PTK7: variants seen among roughly 807,000 people sequenced by gnomAD.
The protein encoded by PTK7 is protein tyrosine kinase 7 (inactive), also known as inactive tyrosine-protein kinase 7.
A neutral mutation model predicts 116.6 loss-of-function variants in PTK7; 39 were observed. The ratio of observed to expected loss-of-function variants is 0.33; its 90% confidence interval spans 0.26 to 0.44. The LOEUF is 0.44. Ranked by LOEUF, PTK7 falls within the 20% of genes least tolerant of loss-of-function variation. The probability of loss-of-function intolerance (pLI) is 1.00; values close to 1 mark genes in which losing one functional copy is unlikely to be tolerated. For missense variants in PTK7, 1,169 were observed against 1,425.6 expected (o/e 0.82, Z 2.90); for synonymous variants, 546 against 563.6 (o/e 0.97, Z 0.44).
chr6:43,094,441 C>A (rs930507003), intron 1 of PTK7, among the ~76,000 whole-genome samples: 2 of 151,522 alleles, frequency 1.3e-5, no homozygotes, highest in African/African-American at 2.4e-5. Flanking sequence ...AAAGTTGTGT[C>A]CCTTTTGTAT....
chr6:43,116,645 TGTGTGTGCGC>T (rs1355995870), intron 1 of PTK7, among the ~76,000 whole-genome samples: 45 of 76,400 alleles, frequency 5.9e-4, no homozygotes, highest in Non-Finnish European at 8.6e-4. Flanking sequence ...TGTGTGTGTG[TGTGTGTGCGC>T]GCGCACGCAC....
At chr6:43,140,108 T>C (rs1047114814) in intron 10 of PTK7, among the ~76,000 whole-genome samples, 17 of 149,900 alleles carry the variant, frequency 1.1e-4, no homozygotes, top group Non-Finnish European at 1.8e-4. Context: ...AGTGAGACTC[T>C]GACTCAAAAG....
chr6:43,081,674 G>A (rs1245277683), intron 1 of PTK7, among the ~76,000 whole-genome samples: 1 of 152,176 alleles, frequency 6.6e-6, no homozygotes, highest in African/African-American at 2.4e-5. Context: ...CAAAGTGCTG[G>A]GATTACAGGC....
chr6:43,158,698 C>A, intron 17 of PTK7, 119 bp from the exon 18 acceptor site: 1 of 1,085,054 alleles, frequency 9.2e-7, no homozygotes, highest in Non-Finnish European at 1.3e-6. Context: ...GGCTGTTGTG[C>A]TTCTGGGCTT....
At position 43,076,374 on chromosome 6, in the gene PTK7, T is replaced by C. The variant is rs1766000107; in HGVS notation, c.-115T>C. The C allele has an allele frequency of 8.1e-6, 6 of 736,550 alleles. No individual in the cohort carries two copies. The highest frequency in any genetic ancestry group is 1.1e-5 in the Non-Finnish European group (6 of 540,436). The allele number at this position is 736,550 out of a possible 1,614,324, so 45.6% of individuals were successfully genotyped here. On this transcript the variant is annotated 5_prime_UTR_variant, in exon 1 of 20. Coordinates refer to ENST00000230419, the MANE Select transcript of PTK7 (RefSeq NM_002821.5). This position sits in a 1 kb window ranked among gnomAD's most constrained non-coding sequence, Gnocchi z 5.7. The stretch of plus-strand genomic sequence containing the variant: ...GGACGCCTCGGGGTCGGGCTCCGGC[T>C]GCGGCTGCTGCTGCGGCGCCCGCGC...
rs931034270 is a variant in PTK7 at position 43,140,502 on chromosome 6, T to G, written c.1618+977T>G. Among the ~76,000 whole-genome samples, 17 of 152,244 alleles carry G rather than the reference T, an allele frequency of 1.1e-4. No individual in the cohort carries two copies. The East Asian group carries it at 3.1e-3, about 28-fold the overall frequency. ...AGAAAAAATGTACAGTCCTGCCGTTTATCATCTTTGGGTGTATGTCTTCTT... is the reference window on the plus strand; with the variant it reads ...AGAAAAAATGTACAGTCCTGCCGTTGATCATCTTTGGGTGTATGTCTTCTT... On this transcript the variant is annotated intron_variant, in intron 10 of 19. Coordinates refer to ENST00000230419, the MANE Select transcript of PTK7 (RefSeq NM_002821.5).
rs1467366348 is a variant in PTK7, at chr6:43,138,935, C to G, written c.1315C>G (p.Pro439Ala). 2 of 1,614,034 alleles carry G rather than the reference C, an allele frequency of 1.2e-6. No homozygotes were observed. The highest frequency in any genetic ancestry group is 8.5e-7 in the Non-Finnish European group (1 of 1,180,036). The part of the protein sequence containing the change: ...GYLDCLTQAT[P>A]KPTVVWYRNQ... ...CTTGGATTGCCTGACCCAGGCCACA[C>G]CAAAACCTACAGTTGTCTGGTACAG... Residue 439 changes from proline to alanine, a missense_variant, in exon 8 of 20, where the codon CCA (proline) becomes GCA (alanine). Around this residue, in one of 3 missense-constraint regions of PTK7, gnomAD observed 678 missense variants for 853.8 expected, o/e 0.79. Coordinates refer to ENST00000230419, the MANE Select transcript of PTK7 (RefSeq NM_002821.5).
intron 1 of PTK7, among the ~76,000 whole-genome samples, chr6:43,118,778 A>AT (rs532364078): frequency 0.18 from 21,717 of 119,404 alleles, 2,059 homozygotes; most frequent in African/African-American, 0.27. Flanking sequence ...TGTGTGTATA[A>AT]TTTTTTTTTT....
intron 1 of PTK7, among the ~76,000 whole-genome samples, chr6:43,079,441 G>C (rs953171490): frequency 1.6e-5 from 2 of 122,028 alleles, no homozygotes; most frequent in Admixed American, 8.7e-5. Flanking sequence ...GCTTGGGCGA[G>C]ATCGTGCCGA....
At chr6:43,157,379 T>TC (rs1771563609) in intron 17 of PTK7, among the ~76,000 whole-genome samples, 1 of 100,852 alleles carries the variant, frequency 9.9e-6, no homozygotes, top group African/African-American at 3.9e-5. Flanking sequence ...TTTTTTTCTT[T>TC]TTTTTTTTTT....
At chr6:43,107,778 A>G (rs765838480) in intron 1 of PTK7, among the ~76,000 whole-genome samples, 7 of 152,234 alleles carry the variant, frequency 4.6e-5, no homozygotes, top group Non-Finnish European at 1.0e-4. Flanking sequence ...GGATAATGCG[A>G]CCAAATTATC....
Position 43,135,971 on chromosome 6 carries a change from C to T in PTK7, c.1229-2878C>T, listed in dbSNP as rs537206683. ...TTGGGAGGCCGAGGCAGGTGGATCA[C>T]GAGGTCAGGAATTCGAGACCAGCCT... On this transcript the variant is annotated intron_variant, in intron 7 of 19. Transcript: ENST00000230419. Among the ~76,000 whole-genome samples, 16 of 152,168 alleles carry T rather than the reference C, an allele frequency of 1.1e-4. No homozygotes were observed. In the East Asian group the frequency reaches 2.7e-3, roughly 26 times the overall value.
intron 1 of PTK7, among the ~76,000 whole-genome samples, chr6:43,084,268 C>T (rs538926653): frequency 2.0e-5 from 3 of 152,204 alleles, no homozygotes; most frequent in African/African-American, 7.2e-5. Flanking sequence ...GTAGCTGGGA[C>T]CACAGGTGCA....
chr6:43,091,978 T>A (rs1186807402), intron 1 of PTK7, among the ~76,000 whole-genome samples: 1 of 152,176 alleles, frequency 6.6e-6, no homozygotes, highest in East Asian at 1.9e-4. Flanking sequence ...TTCTCCTGCC[T>A]TAGCCCCCTG....
chr6:43,150,801 TTTTTTTTTTTTTTTTC>T (rs1367241780), intron 17 of PTK7, among the ~76,000 whole-genome samples: 4 of 101,464 alleles, frequency 3.9e-5, no homozygotes, highest in South Asian at 3.4e-4. Flanking sequence ...TTTTTTTTTT[TTTTTTTTTTTTTTTTC>T]CCGAGACAGA....
Position 43,139,946 on chromosome 6 carries a change from T to C in PTK7, c.1618+421T>C, listed in dbSNP as rs145319128. ...CTGGCCAACATGGTGAAACCCCATC[T>C]CTACTAAAAATGCAAAAGTTAGCCA... On this transcript the variant is annotated intron_variant, in intron 10 of 19. Coordinates refer to ENST00000230419, the MANE Select transcript of PTK7 (RefSeq NM_002821.5). This position sits in a 1 kb window ranked among gnomAD's most constrained non-coding sequence, Gnocchi z 4.6. 3.7e-3 allele frequency among the ~76,000 whole-genome samples: 560 copies of C among 151,688 alleles called. 2 individuals carry two copies. Among genetic ancestry groups the C allele is most frequent in the Non-Finnish European group, 5.9e-3 (401 of 67,958 alleles).
At chr6:43,100,598 A>G (rs1303114128) in intron 1 of PTK7, among the ~76,000 whole-genome samples, 1 of 152,192 alleles carries the variant, frequency 6.6e-6, no homozygotes, top group Non-Finnish European at 1.5e-5. Context: ...GTTCCCAAAT[A>G]CTTTATAGGA....
intron 17 of PTK7, among the ~76,000 whole-genome samples, chr6:43,155,359 T>C (rs1771363221): frequency 6.6e-6 from 1 of 152,152 alleles, no homozygotes. Flanking sequence ...AAAATGTTAA[T>C]GTGGCTGGGT....
intron 1 of PTK7, among the ~76,000 whole-genome samples, chr6:43,104,253 G>A (rs920057185): frequency 6.6e-6 from 1 of 151,998 alleles, no homozygotes; most frequent in Non-Finnish European, 1.5e-5. Flanking sequence ...GAAATTTAGG[G>A]CAATAAAATA....
Sources: gnomAD v4.1 joint callset for allele counts (sites outside exome capture counted in the v4.1 genomes callset) on GRCh38, gnomAD v4.1.1 for gene constraint, gnomAD v4.1.1 regional missense constraint, Gnocchi (gnomAD v3.1) non-coding constraint, MANE v1.5 for transcripts, NCBI Gene and HGNC (gene_info 2026-07-23, HGNC 2026-07-21) for gene names.